The following ANKRD28 variants were observed in gnomAD, a reference collection of about 807,000 sequenced individuals.
ANKRD28 encodes serine/threonine-protein phosphatase 6 regulatory ankyrin repeat subunit A.
A neutral mutation model predicts 126.5 loss-of-function variants in ANKRD28; 44 were observed. That is an observed-to-expected ratio of 0.35 (90% CI 0.27 to 0.45). The LOEUF is 0.45. Ranked by LOEUF, ANKRD28 falls within the 20% of genes least tolerant of loss-of-function variation. The pLI is 1.00. For missense variants in ANKRD28, 1,110 were observed against 1,316.6 expected, an observed-to-expected ratio of 0.84 and a Z score of 2.43; for synonymous variants, 442 against 468.5, an observed-to-expected ratio of 0.94 and a Z score of 0.73.
rs1470515364 is a variant in ANKRD28, at chr3:15,674,196, A to AAAAAAAAAAG, written c.2965+1701_2965+1702insCTTTTTTTTT. On this transcript the variant is annotated intron_variant, in intron 27 of 27. Transcript: ENST00000683139. The stretch of plus-strand genomic sequence containing the variant: ...CTTCAAAAAAAAAAAAAAAAAAAAA[A>AAAAAAAAAAG]AAGAAGAAGAACCGAAATTCAAGAG... 3.0e-3 allele frequency among the ~76,000 whole-genome samples: 395 copies of AAAAAAAAAAG among 129,974 alleles called. 6 individuals carry two copies. The highest frequency in any genetic ancestry group is 0.016 in the East Asian group (48 of 2,928). 85.3% of individuals were successfully genotyped at this position (129,974 alleles called of 152,430 possible). A position where few individuals can be genotyped will look rare whatever the true frequency, so the allele number is the denominator to read the frequency against.
At chr3:15,801,291 A>G (rs2060460283), upstream of ANKRD28, among the ~76,000 whole-genome samples, 2 of 152,148 alleles carry the variant, frequency 1.3e-5, no homozygotes, top group Non-Finnish European at 2.9e-5. The surrounding 1 kb of genome is among the most constrained non-coding windows in gnomAD (Gnocchi z 4.9). Flanking sequence ...CTGGAAGATA[A>G]TTTTTGGGTT....
intron 1 of ANKRD28, among the ~76,000 whole-genome samples, chr3:15,850,709 C>T (rs1171205531): frequency 6.6e-6 from 1 of 152,216 alleles, no homozygotes; most frequent in Non-Finnish European, 1.5e-5. Flanking sequence ...CCATACTTCA[C>T]CCTATGTATT....
At chr3:15,831,504 T>C (rs112420242) in intron 1 of ANKRD28, among the ~76,000 whole-genome samples, 7 of 152,274 alleles carry the variant, frequency 4.6e-5, no homozygotes, top group African/African-American at 1.7e-4. Flanking sequence ...GTGCCAATAG[T>C]ATCCTTCCCT....
In ANKRD28 at chr3:15,817,998, T is replaced by A. The variant is rs551432434; in HGVS notation, c.28-22692A>T. 2.6e-5 allele frequency among the ~76,000 whole-genome samples: 4 copies of A among 152,336 alleles called. No homozygotes were observed. The East Asian group carries it at 7.7e-4, about 29-fold the overall frequency. Reference sequence around the variant, plus strand: ...GAAATCAAAACAAAAAGCAGTACCATTTATAATAATACCCCAAAACTCAAA... The same window carrying A: ...GAAATCAAAACAAAAAGCAGTACCAATTATAATAATACCCCAAAACTCAAA... On this transcript the variant is annotated intron_variant, in intron 1 of 27. Coordinates refer to the ANKRD28 transcript ENST00000399451. This position sits in a 1 kb window ranked among gnomAD's most constrained non-coding sequence, Gnocchi z 4.5.
chr3:15,840,193 A>G (rs1369510644), intron 1 of ANKRD28, among the ~76,000 whole-genome samples: 1 of 152,258 alleles, frequency 6.6e-6, no homozygotes, highest in African/African-American at 2.4e-5. Context: ...TAAATTCAGT[A>G]AAGTTGCAAG....
chr3:15,694,551 AAAC>A (rs2069262472), intron 17 of ANKRD28, among the ~76,000 whole-genome samples, 185 bp downstream of exon 17: 1 of 152,048 alleles, frequency 6.6e-6, no homozygotes, highest in South Asian at 2.1e-4. Flanking sequence ...GAAACAGAAA[AAAC>A]AAAAACAAAA....
At chr3:15,754,835 G>A (rs1006441387) in intron 3 of ANKRD28, among the ~76,000 whole-genome samples, 2 of 152,060 alleles carry the variant, frequency 1.3e-5, no homozygotes, top group Non-Finnish European at 2.9e-5. Context: ...TGTATATATC[G>A]GCCGGGTGCA....
intron 1 of ANKRD28, among the ~76,000 whole-genome samples, chr3:15,858,736 C>T (rs928214961): frequency 6.6e-6 from 1 of 152,186 alleles, no homozygotes; most frequent in Non-Finnish European, 1.5e-5. Context: ...GTGTACAAAA[C>T]ATTCAGATAC....
chr3:15,845,034 C>T lies in ANKRD28; in HGVS notation c.27+14343G>A, dbSNP rs112464469. On this transcript the variant is annotated intron_variant, in intron 1 of 27. Coordinates refer to the ANKRD28 transcript ENST00000399451. This position sits in a 1 kb window ranked among gnomAD's most constrained non-coding sequence, Gnocchi z 4.9. Reference sequence around the variant, plus strand: ...CTGGAGCAGGAGCAAAATGGGGACACGGGGGTGCTAGGCACTTTTAAACAA... The same window carrying T: ...CTGGAGCAGGAGCAAAATGGGGACATGGGGGTGCTAGGCACTTTTAAACAA... Among the ~76,000 whole-genome samples the T allele has an allele frequency of 0.022, 3,399 of 152,070 alleles. 134 individuals are homozygous for T. Among genetic ancestry groups the T allele is most frequent in the African/African-American group, 0.077 (3,175 of 41,438 alleles).
chr3:15,821,947 A>G (rs1308106177), intron 1 of ANKRD28, among the ~76,000 whole-genome samples: 2 of 152,316 alleles, frequency 1.3e-5, no homozygotes, highest in East Asian at 3.9e-4. Context: ...TGTCAAAAGC[A>G]TATCTCTCTC....
intron 18 of ANKRD28, 178 bp downstream of exon 18, chr3:15,689,840 CT>C (rs768227766): frequency 3.4e-6 from 2 of 592,412 alleles, no homozygotes; most frequent in Non-Finnish European, 5.8e-6. Context: ...ATGACGGAGG[CT>C]TTGTAAATTC....
chr3:15,702,347 G>A (rs907335476), intron 14 of ANKRD28, among the ~76,000 whole-genome samples: 2 of 152,180 alleles, frequency 1.3e-5, no homozygotes, highest in Non-Finnish European at 2.9e-5. Flanking sequence ...AACTTCATTA[G>A]AGGGTGGGGG....
chr3:15,681,523 G>A lies in ANKRD28; in HGVS notation c.2390-1960C>T, dbSNP rs866724688. Among the ~76,000 whole-genome samples, 61 of 152,226 alleles carry A rather than the reference G, an allele frequency of 4.0e-4. No homozygotes were observed. The Middle Eastern group carries it at 0.027, about 68-fold the overall frequency. Reference sequence around the variant, plus strand: ...TTATTTTATTTCATTAGTCATTTGGGATCTACTTTAGGAATAAGATTCTTA... The same window carrying A: ...TTATTTTATTTCATTAGTCATTTGGAATCTACTTTAGGAATAAGATTCTTA... On this transcript the variant is annotated intron_variant, in intron 21 of 27. Transcript: ENST00000683139.
At chr3:15,819,114 C>G (rs554730087) in intron 1 of ANKRD28, among the ~76,000 whole-genome samples, 1 of 151,818 alleles carries the variant, frequency 6.6e-6, no homozygotes, top group African/African-American at 2.4e-5. Context: ...CCTGTCTCTA[C>G]AAAAAAATTA....
chr3:15,742,797 G>C (rs1187731006), intron 4 of ANKRD28, among the ~76,000 whole-genome samples: 2 of 145,684 alleles, frequency 1.4e-5, no homozygotes, highest in Non-Finnish European at 3.0e-5. Flanking sequence ...TCCGGGAGGT[G>C]AGGGGCGCCT....
intron 8 of ANKRD28, among the ~76,000 whole-genome samples, chr3:15,720,364 C>T (rs2073581892): frequency 6.6e-6 from 1 of 152,072 alleles, no homozygotes; most frequent in Non-Finnish European, 1.5e-5. Flanking sequence ...TACTCTATGT[C>T]TTTTATTGTA....
intron 18 of ANKRD28, 163 bp downstream of exon 18, chr3:15,689,856 G>T: frequency 1.6e-6 from 1 of 624,110 alleles, no homozygotes; most frequent in Non-Finnish European, 2.7e-6. Flanking sequence ...AAATTCATTT[G>T]TGTGAATAAA....
chr3:15,764,892 T>C (rs1354594663), intron 3 of ANKRD28, among the ~76,000 whole-genome samples: 1 of 152,224 alleles, frequency 6.6e-6, no homozygotes, highest in Non-Finnish European at 1.5e-5. Flanking sequence ...TATTTAATTT[T>C]ATATGATCAT....
Position 15,744,473 on chromosome 3 carries a change from C to CTTTT in ANKRD28, c.352-7244_352-7241dup, listed in dbSNP as rs551103706. ...TACAGGCGGGCACCACCAAACCTGG[C>CTTTT]TTTTTTTTTTTTTTTGTACTTTTCA... On this transcript the variant is annotated intron_variant, in intron 4 of 27. Transcript: ENST00000683139. Among the ~76,000 whole-genome samples the CTTTT allele has an allele frequency of 7.3e-5, 10 of 137,238 alleles. No individual in the cohort carries two copies. The East Asian group carries it at 1.1e-3, about 15-fold the overall frequency. The allele number at this position is 137,238 out of a possible 152,430, so 90.0% of individuals were successfully genotyped here.
Sources: gnomAD v4.1 joint callset for allele counts (sites outside exome capture counted in the v4.1 genomes callset) on GRCh38, gnomAD v4.1.1 for gene constraint, Gnocchi (gnomAD v3.1) non-coding constraint, MANE v1.5 for transcripts, NCBI Gene and HGNC (gene_info 2026-07-23, HGNC 2026-07-21) for gene names.